Variants in LRP1B observed in about 807,000 individuals in gnomAD.
LRP1B encodes the protein LDL receptor related protein 1B.
Under a neutral mutation model 556.6 loss-of-function variants are expected in LRP1B, and 217 were observed. The ratio of observed to expected loss-of-function variants is 0.39; its 90% CI spans 0.35 to 0.44. The LOEUF (loss-of-function observed/expected upper bound fraction) is 0.44, where lower values mean the gene tolerates loss of function less well. Ranked by LOEUF, LRP1B falls within the 20% of genes least tolerant of loss-of-function variation. The pLI is 1.00. For synonymous variants in LRP1B, 2,047 were observed against 1,865.8 expected (o/e 1.10, Z -2.50); for missense variants, 5,053 against 5,620.8 (o/e 0.90, Z 3.23).
intron 7 of LRP1B, among the ~76,000 whole-genome samples, chr2:141,151,711 T>A (rs1237896665): frequency 6.6e-6 from 1 of 152,146 alleles, no homozygotes; most frequent in African/African-American, 2.4e-5. Context: ...TAGATCAATA[T>A]CTTTTTTATC....
intron 2 of LRP1B, among the ~76,000 whole-genome samples, chr2:141,497,688 G>T (rs76274896): frequency 0.027 from 4,145 of 152,082 alleles, 93 homozygotes; most frequent in Non-Finnish European, 0.037. Flanking sequence ...TTAAAGAGTT[G>T]AATAGGTGTC....
At chr2:140,296,510 C>T (rs191451122) in intron 84 of LRP1B, among the ~76,000 whole-genome samples, 1 of 152,044 alleles carries the variant, frequency 6.6e-6, no homozygotes, top group East Asian at 1.9e-4. Context: ...ATAGGTTAAG[C>T]AGGATATGTA....
chr2:140,929,756 T>TCACACACACACACACACACACACA, intron 20 of LRP1B, among the ~76,000 whole-genome samples: 1 of 139,322 alleles, frequency 7.2e-6, no homozygotes, highest in East Asian at 2.2e-4. Context: ...TCATATAGAC[T>TCACACACACACACACACACACACA]CACACACACA....
At chr2:141,290,832 A>C (rs1685915587) in intron 3 of LRP1B, among the ~76,000 whole-genome samples, 1 of 152,128 alleles carries the variant, frequency 6.6e-6, no homozygotes, top group African/African-American at 2.4e-5. Flanking sequence ...TTAATTTCTA[A>C]GTTCACATAA....
At chr2:140,388,120 A>G (rs1683845583) in intron 66 of LRP1B, among the ~76,000 whole-genome samples, 1 of 152,056 alleles carries the variant, frequency 6.6e-6, no homozygotes, top group Admixed American at 6.5e-5. Context: ...TATTTTTAGT[A>G]GAGACAGGGT....
chr2:141,611,673 T>C (rs1378797063), intron 2 of LRP1B, among the ~76,000 whole-genome samples: 1 of 152,212 alleles, frequency 6.6e-6, no homozygotes, highest in African/African-American at 2.4e-5. Context: ...TTAATGTTGT[T>C]ATCTTAATAT....
intron 58 of LRP1B, 43 bp downstream of exon 58, chr2:140,487,574 T>G: frequency 6.5e-7 from 1 of 1,531,034 alleles, no homozygotes; most frequent in Admixed American, 1.7e-5. Context: ...TCAATCATAC[T>G]GGTATAATAT....
intron 20 of LRP1B, among the ~76,000 whole-genome samples, chr2:140,940,587 G>A (rs962929961): frequency 2.0e-5 from 3 of 152,118 alleles, no homozygotes; most frequent in African/African-American, 7.2e-5. Flanking sequence ...CTGGGCTTTA[G>A]AGGAAGTTCC....
intron 5 of LRP1B, among the ~76,000 whole-genome samples, chr2:141,239,365 G>A (rs1178779110): frequency 2.0e-5 from 3 of 152,046 alleles, no homozygotes; most frequent in Non-Finnish European, 2.9e-5. Flanking sequence ...AAAGGAAAGT[G>A]GAAAAGGAAC....
At chr2:141,159,667 T>A (rs1278702632) in intron 7 of LRP1B, among the ~76,000 whole-genome samples, 1 of 152,132 alleles carries the variant, frequency 6.6e-6, no homozygotes, top group African/African-American at 2.4e-5. Flanking sequence ...TTAACATGCT[T>A]AAAAAGTACA....
At chr2:140,320,378 C>T (rs1461649265) in intron 82 of LRP1B, among the ~76,000 whole-genome samples, 1 of 152,072 alleles carries the variant, frequency 6.6e-6, no homozygotes, top group Admixed American at 6.6e-5. Context: ...GAGCACAAGT[C>T]TTCAAATTGG....
intron 1 of LRP1B, among the ~76,000 whole-genome samples, chr2:141,905,196 A>G (rs1699719927): frequency 6.6e-6 from 1 of 151,932 alleles, no homozygotes; most frequent in African/African-American, 2.4e-5. Flanking sequence ...TGCTGGATTC[A>G]AATACTTGAG....
intron 2 of LRP1B, among the ~76,000 whole-genome samples, chr2:141,644,002 T>C (rs1011153074): frequency 8.2e-5 from 10 of 122,396 alleles, no homozygotes; most frequent in African/African-American, 3.2e-4. Context: ...TTAGGGAGAA[T>C]GTGGAGAGTG....
chr2:141,810,230 G>A (rs374121170), intron 2 of LRP1B, 49 bp downstream of exon 2: 6 of 1,583,256 alleles, frequency 3.8e-6, no homozygotes, highest in Non-Finnish European at 3.5e-6. Flanking sequence ...CTGACATTTA[G>A]TTTCACATGT....
At chr2:140,976,792 T>G (rs1573942856) in intron 18 of LRP1B, among the ~76,000 whole-genome samples, 1 of 152,080 alleles carries the variant, frequency 6.6e-6, no homozygotes, top group South Asian at 2.1e-4. Flanking sequence ...ATTACAGGTG[T>G]GAGCCACCAC....
intron 6 of LRP1B, among the ~76,000 whole-genome samples, chr2:141,221,523 T>C (rs1030237329): frequency 1.3e-5 from 2 of 151,724 alleles, no homozygotes; most frequent in Non-Finnish European, 3.0e-5. Flanking sequence ...ATTAGACAGA[T>C]TGAGATAAAA....
At chr2:140,631,559 G>A (rs556017619) in intron 41 of LRP1B, among the ~76,000 whole-genome samples, 15 of 152,250 alleles carry the variant, frequency 9.9e-5, no homozygotes, top group African/African-American at 3.4e-4. Flanking sequence ...TACAGCTAAC[G>A]AAAGAATCAG....
At chr2:141,131,353 G>A (rs192486170) in intron 7 of LRP1B, among the ~76,000 whole-genome samples, 3 of 145,454 alleles carry the variant, frequency 2.1e-5, no homozygotes, top group African/African-American at 7.7e-5. Context: ...AGTAAGGTTT[G>A]AGAATACAAA....
chr2:141,721,354 A>G (rs1692805929), intron 2 of LRP1B, among the ~76,000 whole-genome samples: 1 of 152,102 alleles, frequency 6.6e-6, no homozygotes, highest in Admixed American at 6.5e-5. Flanking sequence ...TTCTAGATAA[A>G]CTGTTGTTGC....
Sources: gnomAD v4.1 joint callset for allele counts (sites outside exome capture counted in the v4.1 genomes callset) on GRCh38, gnomAD v4.1.1 for gene constraint, MANE v1.5 for transcripts, NCBI Gene and HGNC (gene_info 2026-07-23, HGNC 2026-07-21) for gene names.